Variants in STXBP5L observed in about 807,000 individuals in gnomAD.
STXBP5L encodes the protein syntaxin-binding protein 5-like.
A neutral mutation model predicts 144.5 loss-of-function variants in STXBP5L; 65 were observed. The ratio of observed to expected loss-of-function variants is 0.45; its 90% confidence interval spans 0.37 to 0.55. STXBP5L has a LOEUF of 0.55. STXBP5L is among the 20% of genes least tolerant of loss of function. The probability of loss-of-function intolerance (pLI) is 0.00; values close to 1 mark genes in which losing one functional copy is unlikely to be tolerated. For synonymous variants in STXBP5L, 505 were observed against 469.6 expected, an observed-to-expected ratio of 1.08 and a Z score of -0.97; for missense variants, 1,298 against 1,405.5, an observed-to-expected ratio of 0.92 and a Z score of 1.22.
intron 3 of STXBP5L, among the ~76,000 whole-genome samples, chr3:121,003,695 G>A (rs1490771725): frequency 1.3e-5 from 2 of 152,062 alleles, no homozygotes; most frequent in Non-Finnish European, 2.9e-5. Flanking sequence ...GGTCTAACAT[G>A]TGAGTCTTTA....
At chr3:121,042,004 T>C (rs1947191472) in intron 4 of STXBP5L, among the ~76,000 whole-genome samples, 1 of 152,140 alleles carries the variant, frequency 6.6e-6, no homozygotes, top group Non-Finnish European at 1.5e-5. Flanking sequence ...ATTGTTACTA[T>C]ATAGCATAAT....
At chr3:121,285,578 T>A (rs1364202599) in intron 19 of STXBP5L, among the ~76,000 whole-genome samples, 1 of 152,088 alleles carries the variant, frequency 6.6e-6, no homozygotes, top group Non-Finnish European at 1.5e-5. Flanking sequence ...GGCAAAACTT[T>A]CACATCATAG....
intron 18 of STXBP5L, among the ~76,000 whole-genome samples, chr3:121,267,017 A>G (rs918110207): frequency 6.6e-6 from 1 of 152,080 alleles, no homozygotes; most frequent in Non-Finnish European, 1.5e-5. Flanking sequence ...TGCTATCCCC[A>G]TCAAGCTACC....
At chr3:120,984,015 C>T (rs185462246) in intron 3 of STXBP5L, among the ~76,000 whole-genome samples, 1 of 152,330 alleles carries the variant, frequency 6.6e-6, no homozygotes, top group East Asian at 1.9e-4. Context: ...TTTCACACGT[C>T]AGTTGCTGTG....
At chr3:120,989,504 G>A (rs1427053316) in intron 3 of STXBP5L, among the ~76,000 whole-genome samples, 5 of 152,024 alleles carry the variant, frequency 3.3e-5, no homozygotes, top group Non-Finnish European at 1.5e-5. Flanking sequence ...TTGTTGAGTT[G>A]TTTGAATTCC....
intron 9 of STXBP5L, among the ~76,000 whole-genome samples, chr3:121,202,527 C>T (rs956151764): frequency 2.0e-5 from 3 of 152,074 alleles, no homozygotes; most frequent in Non-Finnish European, 2.9e-5. Flanking sequence ...AAATTACTTG[C>T]TGGGTCACTT....
chr3:120,975,676 A>C lies in STXBP5L; in HGVS notation c.287+20639A>C, dbSNP rs531791142. On this transcript the variant is annotated intron_variant, in intron 3 of 26. Coordinates refer to ENST00000471454, the MANE Select transcript of STXBP5L (RefSeq NM_001308330.2). ...GCCCATTCAGTACGATATTGGCTGT[A>C]GGTTTGTCATAGATAGCTCTTATTA... Among the ~76,000 whole-genome samples the C allele has an allele frequency of 2.3e-4, 35 of 152,148 alleles. No homozygotes were observed. In the East Asian group the frequency reaches 5.6e-3, roughly 24 times the overall value.
intron 18 of STXBP5L, among the ~76,000 whole-genome samples, chr3:121,267,147 C>T (rs2050591526): frequency 6.6e-6 from 1 of 152,110 alleles, no homozygotes; most frequent in African/African-American, 2.4e-5. Flanking sequence ...ATCATGCTAC[C>T]TGACTTCGAA....
intron 3 of STXBP5L, among the ~76,000 whole-genome samples, chr3:121,036,127 G>C (rs907285026): frequency 6.6e-6 from 1 of 152,116 alleles, no homozygotes; most frequent in African/African-American, 2.4e-5. Context: ...GAGGTCAGGA[G>C]TTTGAGACCA....
chr3:121,333,567 C>A (rs1378534299), intron 20 of STXBP5L, among the ~76,000 whole-genome samples: 4 of 142,860 alleles, frequency 2.8e-5, no homozygotes, highest in African/African-American at 1.1e-4. Flanking sequence ...AAAAAAAAAA[C>A]ATTCAAAAGA....
At chr3:121,084,353 C>G (rs949407029) in intron 5 of STXBP5L, among the ~76,000 whole-genome samples, 3 of 152,162 alleles carry the variant, frequency 2.0e-5, no homozygotes, top group Non-Finnish European at 4.4e-5. Context: ...TCCTGATGCT[C>G]TCCCTCCCCG....
intron 5 of STXBP5L, among the ~76,000 whole-genome samples, chr3:121,086,207 A>G (rs1159815279): frequency 6.6e-6 from 1 of 152,042 alleles, no homozygotes; most frequent in Non-Finnish European, 1.5e-5. Flanking sequence ...ATTTAGCACT[A>G]CACATTTCCC....
chr3:121,253,471 C>T (rs2050093036), intron 15 of STXBP5L, among the ~76,000 whole-genome samples: 1 of 151,588 alleles, frequency 6.6e-6, no homozygotes, highest in Admixed American at 6.6e-5. Flanking sequence ...GTGTGTATTT[C>T]CTACAAACAT....
intron 3 of STXBP5L, among the ~76,000 whole-genome samples, chr3:120,970,487 T>A (rs1032071597): frequency 1.8e-4 from 28 of 152,168 alleles, no homozygotes. Flanking sequence ...TCTTTTTCAA[T>A]ATAACATCCC....
intron 17 of STXBP5L, among the ~76,000 whole-genome samples, chr3:121,258,314 C>G (rs1294118011): frequency 6.6e-6 from 1 of 152,144 alleles, no homozygotes; most frequent in Non-Finnish European, 1.5e-5. Context: ...ACTCAAAAAA[C>G]TTTAGACAGC....
chr3:120,972,498 G>C lies in STXBP5L; in HGVS notation c.287+17461G>C, dbSNP rs145475814. Among the ~76,000 whole-genome samples, 700 of 152,120 alleles carry C rather than the reference G, an allele frequency of 4.6e-3. 6 individuals carry two copies. The highest frequency in any genetic ancestry group is 0.016 in the African/African-American group (661 of 41,526). Reference sequence around the variant, plus strand: ...AGCATTTAGGGTTTTGTAGATATAAGAATATGTCATCAGTGAACAGAGATA... The same window carrying C: ...AGCATTTAGGGTTTTGTAGATATAACAATATGTCATCAGTGAACAGAGATA... On this transcript the variant is annotated intron_variant, in intron 3 of 26. Coordinates refer to ENST00000471454, the MANE Select transcript of STXBP5L (RefSeq NM_001308330.2).
At chr3:121,184,639 C>T (rs2047295959) in intron 9 of STXBP5L, among the ~76,000 whole-genome samples, 3 of 152,124 alleles carry the variant, frequency 2.0e-5, no homozygotes. Flanking sequence ...GGAAAACACT[C>T]TTCAGGATAT....
intron 3 of STXBP5L, among the ~76,000 whole-genome samples, chr3:120,987,527 G>T (rs374905652): frequency 2.6e-5 from 4 of 151,546 alleles, no homozygotes; most frequent in African/African-American, 9.7e-5. Flanking sequence ...TCCTTTGTTG[G>T]ATATATGGTT....
intron 2 of STXBP5L, among the ~76,000 whole-genome samples, chr3:120,941,062 A>C (rs562175819): frequency 2.2e-4 from 33 of 151,980 alleles, no homozygotes; most frequent in South Asian, 1.9e-3. Context: ...GTACTTACAT[A>C]ATATGTTCAA....
Sources: gnomAD v4.1 joint callset for allele counts (sites outside exome capture counted in the v4.1 genomes callset) on GRCh38, gnomAD v4.1.1 for gene constraint, MANE v1.5 for transcripts, NCBI Gene and HGNC (gene_info 2026-07-23, HGNC 2026-07-21) for gene names.